Variants in SESTD1 observed in about 807,000 individuals in gnomAD.
SESTD1 encodes SEC14 and spectrin domain containing 1.
A neutral mutation model predicts 101.7 loss-of-function variants in SESTD1; 43 were observed. That is an observed-to-expected ratio of 0.42 (90% CI 0.33 to 0.55). The LOEUF is 0.55. SESTD1 is among the 20% of genes least tolerant of loss of function. SESTD1 has a pLI of 0.07. For synonymous variants in SESTD1, 283 were observed against 286.8 expected (o/e 0.99, Z 0.13); for missense variants, 647 against 815.1 (o/e 0.79, Z 2.51).
At position 179,103,946 on chromosome 2, in the gene SESTD1, T is replaced by C. The variant is rs529757484; in HGVS notation, c.*5953A>G. 6.6e-5 allele frequency: 10 copies of C among 152,280 alleles called. No individual in the cohort carries two copies. The South Asian group carries it at 2.1e-3, about 32-fold the overall frequency. 9.4% of individuals were successfully genotyped at this position (152,280 alleles called of 1,614,324 possible). On this transcript the variant is annotated 3_prime_UTR_variant, in exon 18 of 18. Transcript: ENST00000428443. ...ATTTAAAATGCATCAAATAATAATA[T>C]GAAATGATGAATGGATATGTGACAA...
At position 179,251,583 on chromosome 2, in the gene SESTD1, C is replaced by T. The variant is rs139675637; in HGVS notation, c.-26+12916G>A. On this transcript the variant is annotated intron_variant, in intron 1 of 17. Coordinates refer to ENST00000428443, the MANE Select transcript of SESTD1 (RefSeq NM_178123.5). Reference sequence around the variant, plus strand: ...CAACAACTGCAGTGTCCAGCATGATCCTGCACAAGAGATGCACTATAGACT... The same window carrying T: ...CAACAACTGCAGTGTCCAGCATGATTCTGCACAAGAGATGCACTATAGACT... Among the ~76,000 whole-genome samples the T allele has an allele frequency of 5.1e-3, 778 of 152,260 alleles. 2 individuals are homozygous for T. The highest frequency in any genetic ancestry group is 0.018 in the African/African-American group (747 of 41,536).
chr2:179,263,266 A>G (rs946519952), intron 1 of SESTD1, among the ~76,000 whole-genome samples: 1 of 152,214 alleles, frequency 6.6e-6, no homozygotes, highest in Non-Finnish European at 1.5e-5. Context: ...AAGCTAAAGG[A>G]ATTAGTATTG....
At chr2:179,199,952 G>A (rs927197498) in intron 1 of SESTD1, among the ~76,000 whole-genome samples, 3 of 152,056 alleles carry the variant, frequency 2.0e-5, no homozygotes, top group Non-Finnish European at 4.4e-5. Context: ...AGGAAATAAA[G>A]GGTATTCAAT....
At chr2:179,253,709 A>G (rs2047352044) in intron 1 of SESTD1, among the ~76,000 whole-genome samples, 1 of 152,324 alleles carries the variant, frequency 6.6e-6, no homozygotes, top group South Asian at 2.1e-4. Flanking sequence ...CTGAAAGAAT[A>G]CATAAGAATC....
At chr2:179,144,882 A>C (rs1320803756) in intron 8 of SESTD1, among the ~76,000 whole-genome samples, 1 of 151,924 alleles carries the variant, frequency 6.6e-6, no homozygotes, top group Non-Finnish European at 1.5e-5. Context: ...TTAAAATAAA[A>C]AGCTTTCAAG....
chr2:179,110,821 T>C (rs2154393604), intron 17 of SESTD1, among the ~76,000 whole-genome samples: 1 of 152,298 alleles, frequency 6.6e-6, no homozygotes, highest in South Asian at 2.1e-4. Flanking sequence ...AAATATTTAA[T>C]TCAGCAAAAT....
intron 9 of SESTD1, among the ~76,000 whole-genome samples, chr2:179,142,199 A>G (rs2045294487): frequency 1.3e-5 from 2 of 152,242 alleles, no homozygotes; most frequent in African/African-American, 4.8e-5. Context: ...TGGAAGAGTT[A>G]AGCAGCCACA....
At chr2:179,248,274 C>T (rs1395813751) in intron 1 of SESTD1, among the ~76,000 whole-genome samples, 1 of 151,982 alleles carries the variant, frequency 6.6e-6, no homozygotes, top group Non-Finnish European at 1.5e-5. Context: ...AATAAATTCA[C>T]AGTTTATAAA....
At chr2:179,196,631 C>T (rs552615318) in intron 1 of SESTD1, among the ~76,000 whole-genome samples, 6 of 152,222 alleles carry the variant, frequency 3.9e-5, no homozygotes, top group Non-Finnish European at 7.3e-5. Context: ...AGACTGCCTC[C>T]TCAAGTGGGT....
chr2:179,165,065 G>A (rs999119071), intron 5 of SESTD1, among the ~76,000 whole-genome samples: 2 of 152,140 alleles, frequency 1.3e-5, no homozygotes, highest in Non-Finnish European at 2.9e-5. Flanking sequence ...AGAGCTCTAA[G>A]TCTCATTTAA....
chr2:179,255,190 G>T (rs2047374348), intron 1 of SESTD1, among the ~76,000 whole-genome samples: 1 of 152,088 alleles, frequency 6.6e-6, no homozygotes, highest in Non-Finnish European at 1.5e-5. Flanking sequence ...TCCTACAATG[G>T]CCTCTAAATA....
At chr2:179,185,696 T>TATATTATATACAATATATAATATAGC (rs1553522155) in intron 2 of SESTD1, among the ~76,000 whole-genome samples, 63 of 124,608 alleles carry the variant, frequency 5.1e-4, no homozygotes, top group Non-Finnish European at 6.9e-4. Context: ...TATAATATAG[T>TATATTATATACAATATATAATATAGC]ATATTATATA....
At position 179,230,108 on chromosome 2, in the gene SESTD1, T is replaced by G. The variant is rs1215911862; in HGVS notation, c.-26+34391A>C. Among the ~76,000 whole-genome samples, 3 of 132,664 alleles carry G rather than the reference T, an allele frequency of 2.3e-5. No individual in the cohort carries two copies. In the South Asian group the frequency reaches 7.7e-4, roughly 34 times the overall value. The allele number at this position is 132,664 out of a possible 152,430, so 87.0% of individuals were successfully genotyped here. ...TTAATAAATATTCCAAACTGGATTGTATCTCTTTTTTTTTTTTTTTTTTTT... is the reference window on the plus strand; with the variant it reads ...TTAATAAATATTCCAAACTGGATTGGATCTCTTTTTTTTTTTTTTTTTTTT... On this transcript the variant is annotated intron_variant, in intron 1 of 17. Coordinates refer to ENST00000428443, the MANE Select transcript of SESTD1 (RefSeq NM_178123.5).
intron 1 of SESTD1, among the ~76,000 whole-genome samples, chr2:179,229,777 T>TATATATATATATATATA: frequency 1.6e-5 from 1 of 63,626 alleles, no homozygotes; most frequent in South Asian, 7.3e-4. Flanking sequence ...ATATATATAC[T>TATATATATATATATATA]CAAATACACA....
chr2:179,124,695 G>A, intron 10 of SESTD1, 137 bp from the exon 11 acceptor site: 1 of 689,304 alleles, frequency 1.5e-6, no homozygotes, highest in Non-Finnish European at 2.4e-6. Flanking sequence ...ATTGAGGGTG[G>A]AAAGTTCCTA....
intron 2 of SESTD1, among the ~76,000 whole-genome samples, chr2:179,189,482 C>T (rs1457340401): frequency 2.0e-5 from 3 of 152,204 alleles, no homozygotes; most frequent in South Asian, 4.1e-4. Flanking sequence ...CAGGCAAATG[C>T]TAAAAGTATT....
intron 1 of SESTD1, among the ~76,000 whole-genome samples, chr2:179,229,076 G>A (rs1485382405): frequency 6.6e-6 from 1 of 152,174 alleles, no homozygotes; most frequent in African/African-American, 2.4e-5. Flanking sequence ...ATTCAAGGAG[G>A]TAGTCTTGAT....
Position 179,109,834 on chromosome 2 carries a change from A to G in SESTD1, c.*65T>C. On this transcript the variant is annotated 3_prime_UTR_variant, in exon 18 of 18. Transcript: ENST00000428443. ...AAATGCATCTTAAGGTGTGGTGGCTAATGCTGTAGTATGTTGACAACATGC... is the reference window on the plus strand; with the variant it reads ...AAATGCATCTTAAGGTGTGGTGGCTGATGCTGTAGTATGTTGACAACATGC... The G allele has an allele frequency of 1.3e-6, 2 of 1,572,004 alleles. No homozygotes were observed. The highest frequency in any genetic ancestry group is 2.3e-5 in the South Asian group (2 of 85,818).
chr2:179,192,304 A>C (rs1054489349), intron 1 of SESTD1, among the ~76,000 whole-genome samples: 10 of 152,336 alleles, frequency 6.6e-5, no homozygotes, highest in East Asian at 5.8e-4. Context: ...CTTATTAATT[A>C]CACAGCTTAA....
Sources: gnomAD v4.1 joint callset for allele counts (sites outside exome capture counted in the v4.1 genomes callset) on GRCh38, gnomAD v4.1.1 for gene constraint, MANE v1.5 for transcripts, NCBI Gene and HGNC (gene_info 2026-07-23, HGNC 2026-07-21) for gene names.